The following AFF1 variants were observed in gnomAD, a reference collection of about 807,000 sequenced individuals.
The protein encoded by AFF1 is AF4/FMR2 family member 1.
AFF1 carries 48 observed loss-of-function variants against 121.7 expected under a neutral mutation model. The ratio of observed to expected loss-of-function variants is 0.39; its 90% CI spans 0.31 to 0.50. The LOEUF (loss-of-function observed/expected upper bound fraction) is 0.50, where lower values mean the gene tolerates loss of function less well. AFF1 is among the 20% of genes least tolerant of loss of function. The probability of loss-of-function intolerance (pLI) is 0.76; values close to 1 mark genes in which losing one functional copy is unlikely to be tolerated. For missense variants in AFF1, 1,523 were observed against 1,511.7 expected, an observed-to-expected ratio of 1.01 and a Z score of -0.12; for synonymous variants, 613 against 563.0, an observed-to-expected ratio of 1.09 and a Z score of -1.26.
chr4:87,052,752 T>C (rs1731401687), intron 4 of AFF1, among the ~76,000 whole-genome samples: 1 of 151,724 alleles, frequency 6.6e-6, no homozygotes, highest in Non-Finnish European at 1.5e-5. Context: ...GTAGTAGCCA[T>C]GTATGTGGAT....
At chr4:86,981,698 C>T (rs1211059256) in intron 2 of AFF1, among the ~76,000 whole-genome samples, 2 of 152,108 alleles carry the variant, frequency 1.3e-5, no homozygotes, top group African/African-American at 4.8e-5. Context: ...TAGCTCCAGC[C>T]CCCAACACGG....
chr4:87,004,497 A>C (rs1422791137), intron 2 of AFF1, among the ~76,000 whole-genome samples: 1 of 152,258 alleles, frequency 6.6e-6, no homozygotes, highest in Non-Finnish European at 1.5e-5. Context: ...GCATTATTTT[A>C]CATTCATGCA....
Position 87,098,720 on chromosome 4 carries a change from A to C in AFF1, c.1283+3751A>C, listed in dbSNP as rs373317849. On this transcript the variant is annotated intron_variant, in intron 8 of 20. Transcript: ENST00000395146. ...GGCCTCTGAAATCAACACTTACTTA[A>C]AATAAGAGACAGAAATTAGTCATTA... 7.2e-5 allele frequency among the ~76,000 whole-genome samples: 11 copies of C among 152,344 alleles called. No individual in the cohort carries two copies. In the South Asian group the frequency reaches 2.3e-3, roughly 32 times the overall value.
intron 4 of AFF1, among the ~76,000 whole-genome samples, chr4:87,082,722 C>A (rs1425249089): frequency 6.6e-6 from 1 of 152,098 alleles, no homozygotes; most frequent in Admixed American, 6.6e-5. Context: ...AGCCAGCACA[C>A]CTGGCCTACA....
intron 4 of AFF1, among the ~76,000 whole-genome samples, chr4:87,074,185 T>C (rs1165847393): frequency 1.3e-5 from 2 of 152,128 alleles, no homozygotes; most frequent in African/African-American, 2.4e-5. Flanking sequence ...GAGGTTTTCG[T>C]GAGCAGAATT....
chr4:86,937,910 A>G (rs1720158457), intron 1 of AFF1, among the ~76,000 whole-genome samples: 1 of 152,172 alleles, frequency 6.6e-6, no homozygotes, highest in Non-Finnish European at 1.5e-5. Context: ...CTGGCCTACA[A>G]GTCACTTTAG....
chr4:87,056,194 T>C (rs1379479421), intron 4 of AFF1, among the ~76,000 whole-genome samples: 5 of 152,166 alleles, frequency 3.3e-5, no homozygotes, highest in African/African-American at 1.2e-4. Context: ...GAGGCCTCAG[T>C]ATTTAAGTAA....
chr4:87,022,728 A>G (rs113896364), intron 2 of AFF1, among the ~76,000 whole-genome samples: 4 of 131,456 alleles, frequency 3.0e-5, no homozygotes, highest in African/African-American at 1.4e-4. Flanking sequence ...GTATATATGT[A>G]TATATATCTG....
At chr4:87,027,340 G>A (rs766596971) in intron 2 of AFF1, among the ~76,000 whole-genome samples, 3 of 152,246 alleles carry the variant, frequency 2.0e-5, no homozygotes, top group Non-Finnish European at 4.4e-5. Context: ...GGATACACAT[G>A]TAACATGCAC....
At chr4:86,950,689 G>C (rs906127551) in intron 2 of AFF1, among the ~76,000 whole-genome samples, 1 of 152,028 alleles carries the variant, frequency 6.6e-6, no homozygotes, top group African/African-American at 2.4e-5. Flanking sequence ...CATCATTGTG[G>C]GCTGCTAAAC....
intron 7 of AFF1, among the ~76,000 whole-genome samples, 157 bp downstream of exon 7, chr4:87,091,986 G>A (rs1480448422): frequency 6.6e-6 from 1 of 152,194 alleles, no homozygotes; most frequent in East Asian, 1.9e-4. Flanking sequence ...TTCTTTATGT[G>A]GGATTTAAAA....
intron 2 of AFF1, among the ~76,000 whole-genome samples, chr4:86,997,319 T>TCTACTAAAAA (rs1725294538): frequency 6.6e-6 from 1 of 152,180 alleles, no homozygotes; most frequent in African/African-American, 2.4e-5. Flanking sequence ...GCAAGAAGGC[T>TCTACTAAAAA]TTCACCAGGT....
chr4:87,063,620 T>C (rs1254016470), intron 4 of AFF1, among the ~76,000 whole-genome samples: 1 of 152,138 alleles, frequency 6.6e-6, no homozygotes, highest in East Asian at 1.9e-4. Flanking sequence ...TAAGAAAATA[T>C]GAGTGGGAAA....
intron 4 of AFF1, among the ~76,000 whole-genome samples, chr4:87,067,664 G>A (rs1423769008): frequency 6.6e-6 from 1 of 152,210 alleles, no homozygotes; most frequent in Admixed American, 6.5e-5. Flanking sequence ...TAAGCTTTCA[G>A]ATAGAGACTT....
At chr4:87,045,796 A>G (rs1730628884) in intron 2 of AFF1, among the ~76,000 whole-genome samples, 1 of 152,168 alleles carries the variant, frequency 6.6e-6, no homozygotes, top group South Asian at 2.1e-4. Flanking sequence ...CTGCAGATGA[A>G]AAGCTTCCAC....
intron 4 of AFF1, 117 bp downstream of exon 4, chr4:87,047,711 A>T (rs375521923): frequency 3.7e-6 from 5 of 1,358,198 alleles, no homozygotes; most frequent in Non-Finnish European, 5.3e-6. Context: ...GGTAGGGGGA[A>T]TTCTTTTTGG....
At chr4:86,936,104 A>G (rs1028376173) in intron 1 of AFF1, 1 of 152,140 alleles carries the variant, frequency 6.6e-6, no homozygotes, top group East Asian at 1.9e-4. Context: ...GCAAATTGTT[A>G]TGCAGATCAT....
Position 87,047,368 on chromosome 4 carries a change from C to T in AFF1, c.833C>T (p.Ser278Phe). 2.5e-6 allele frequency: 4 copies of T among 1,614,200 alleles called. No homozygotes were observed. The highest frequency in any genetic ancestry group is 3.4e-6 in the Non-Finnish European group (4 of 1,180,040). ...DSLVAPAQPP[S>F]QTFPPPSLPS... is the part of the protein sequence containing the mutation. Reference sequence around the variant, plus strand: ...TTGGTGGCCCCTGCCCAGCCGCCTTCTCAGACATTTCCACCTCCCTCCCTC... The same window carrying T: ...TTGGTGGCCCCTGCCCAGCCGCCTTTTCAGACATTTCCACCTCCCTCCCTC... The change falls in exon 4 of 21, where the codon TCT (serine) becomes TTT (phenylalanine). Residue 278 changes from serine to phenylalanine, a missense_variant. Around this residue, in one of 5 missense-constraint regions of AFF1, gnomAD observed 369 missense variants for 367.2 expected, o/e 1.00. Coordinates refer to ENST00000395146, the MANE Select transcript of AFF1 (RefSeq NM_001166693.3).
intron 2 of AFF1, among the ~76,000 whole-genome samples, chr4:86,957,142 T>C (rs2149462398): frequency 6.6e-6 from 1 of 152,304 alleles, no homozygotes; most frequent in South Asian, 2.1e-4. Context: ...TCATTTTAGG[T>C]GCTAAACTTG....
Sources: gnomAD v4.1 joint callset for allele counts (sites outside exome capture counted in the v4.1 genomes callset) on GRCh38, gnomAD v4.1.1 for gene constraint, gnomAD v4.1.1 regional missense constraint, MANE v1.5 for transcripts, NCBI Gene and HGNC (gene_info 2026-07-23, HGNC 2026-07-21) for gene names.